The following GOLGA4 variants were observed in gnomAD, a reference collection of about 807,000 sequenced individuals.
GOLGA4 encodes golgin subfamily A member 4.
A neutral mutation model predicts 265.9 loss-of-function variants in GOLGA4; 169 were observed. That is an observed-to-expected ratio of 0.64 (90% CI 0.56 to 0.72). The LOEUF (loss-of-function observed/expected upper bound fraction) is 0.72, where lower values mean the gene tolerates loss of function less well. Ranked by LOEUF, GOLGA4 falls within the 30% of genes least tolerant of loss-of-function variation. GOLGA4 has a pLI of 0.00. For synonymous variants in GOLGA4, 923 were observed against 855.8 expected (o/e 1.08, Z -1.37); for missense variants, 2,482 against 2,483.4 (o/e 1.00, Z 0.01).
At position 37,318,560 on chromosome 3, in the gene GOLGA4, GT is replaced by G. The variant is rs397948246; in HGVS notation, c.1414-494del. On this transcript the variant is annotated intron_variant, in intron 11 of 23. Transcript: ENST00000361924. ...TTTGTCCAGTGGGCTCCCCCATTCT[GT>G]TTTTTTTTAATATATATTAACTTTT... Among the ~76,000 whole-genome samples, 1,382 of 149,626 alleles carry G rather than the reference GT, an allele frequency of 9.2e-3. 10 individuals are homozygous for G. The highest frequency in any genetic ancestry group is 0.015 in the Non-Finnish European group (988 of 67,282).
chr3:37,249,955 A>G (rs2096729411), intron 1 of GOLGA4: 1 of 152,178 alleles, frequency 6.6e-6, no homozygotes, highest in African/African-American at 2.4e-5. Context: ...CAGATGATGA[A>G]CTTTATTTGT....
chr3:37,351,730 C>CT (rs1232240202), intron 21 of GOLGA4, among the ~76,000 whole-genome samples: 1 of 152,094 alleles, frequency 6.6e-6, no homozygotes, highest in Non-Finnish European at 1.5e-5. Context: ...TGAAGGGAAT[C>CT]TTTTTTTCTG....
intron 2 of GOLGA4, among the ~76,000 whole-genome samples, chr3:37,258,309 G>A (rs1050457258): frequency 5.4e-5 from 8 of 149,460 alleles, no homozygotes; most frequent in Admixed American, 6.7e-5. Flanking sequence ...TATATATATA[G>A]AGAGCATATA....
chr3:37,279,744 C>T (rs537569308), intron 2 of GOLGA4, among the ~76,000 whole-genome samples: 4 of 151,926 alleles, frequency 2.6e-5, no homozygotes, highest in South Asian at 2.1e-4. Context: ...TCCTCTCTAC[C>T]GAAAATATAA....
intron 6 of GOLGA4, among the ~76,000 whole-genome samples, chr3:37,295,768 G>C (rs757088951): frequency 6.6e-6 from 1 of 152,012 alleles, no homozygotes; most frequent in Non-Finnish European, 1.5e-5. Context: ...ATATTTAGGG[G>C]GTGAAAACCA....
intron 2 of GOLGA4, among the ~76,000 whole-genome samples, chr3:37,278,880 A>T (rs1388416803): frequency 6.7e-6 from 1 of 149,656 alleles, no homozygotes; most frequent in African/African-American, 2.5e-5. Context: ...TGGTGCAGTC[A>T]TAGCTTACTG....
At chr3:37,297,274 T>C (rs1004744744) in intron 7 of GOLGA4, among the ~76,000 whole-genome samples, 15 of 152,266 alleles carry the variant, frequency 9.9e-5, no homozygotes, top group African/African-American at 3.4e-4. Context: ...AGTAAGTAGT[T>C]GAGCAGTTAA....
intron 2 of GOLGA4, among the ~76,000 whole-genome samples, chr3:37,258,133 CTG>C (rs1396652800): frequency 4.4e-5 from 6 of 135,096 alleles, no homozygotes; most frequent in African/African-American, 8.4e-5. Context: ...TATATATGCT[CTG>C]TATATATATA....
At chr3:37,300,220 C>G (rs1357978244) in intron 9 of GOLGA4, among the ~76,000 whole-genome samples, 4 of 152,186 alleles carry the variant, frequency 2.6e-5, no homozygotes, top group Non-Finnish European at 5.9e-5. Flanking sequence ...GCAGCAAAGA[C>G]AACCAGAAAA....
chr3:37,331,891 C>T (rs1323733552), intron 16 of GOLGA4, among the ~76,000 whole-genome samples: 1 of 152,154 alleles, frequency 6.6e-6, no homozygotes, highest in African/African-American at 2.4e-5. Flanking sequence ...AGCACAATTA[C>T]CTGACATATA....
intron 2 of GOLGA4, chr3:37,275,737 G>T: frequency 6.2e-7 from 1 of 1,612,788 alleles, no homozygotes; most frequent in Non-Finnish European, 8.5e-7. Context: ...TGGACAAGAT[G>T]GTGCAGAAGA....
At chr3:37,265,503 G>A (rs2096781287) in intron 2 of GOLGA4, among the ~76,000 whole-genome samples, 1 of 152,062 alleles carries the variant, frequency 6.6e-6, no homozygotes, top group South Asian at 2.1e-4. Flanking sequence ...ATTTATAAAT[G>A]TTATTCTTAA....
intron 16 of GOLGA4, among the ~76,000 whole-genome samples, chr3:37,333,136 A>T (rs2096996746): frequency 6.6e-6 from 1 of 152,230 alleles, no homozygotes; most frequent in African/African-American, 2.4e-5. Context: ...GGTGACTTGC[A>T]AGTTGGAGAC....
chr3:37,315,056 CAAT>C (rs1424171972), intron 10 of GOLGA4, among the ~76,000 whole-genome samples: 2 of 152,074 alleles, frequency 1.3e-5, no homozygotes, highest in Non-Finnish European at 2.9e-5. Flanking sequence ...AAACGAAAAA[CAAT>C]TGAAATTATA....
chr3:37,247,892 A>G (rs546269598), intron 1 of GOLGA4, among the ~76,000 whole-genome samples: 1 of 152,312 alleles, frequency 6.6e-6, no homozygotes, highest in Non-Finnish European at 1.5e-5. Context: ...CTTTCAGGAC[A>G]GCAGAAGTAC....
intron 2 of GOLGA4, chr3:37,273,489 T>G (rs1272621074): frequency 9.8e-7 from 1 of 1,024,024 alleles, no homozygotes; most frequent in East Asian, 2.6e-5. Flanking sequence ...TTTTAAACCT[T>G]TAGTTTTTTG....
Position 37,355,143 on chromosome 3 carries a change from G to T in GOLGA4, c.6619G>T (p.Asp2207Tyr). The change falls in exon 22 of 24, where the codon GAT (aspartate) becomes TAT (tyrosine). Residue 2207 changes from aspartate (D) to tyrosine (Y), a missense_variant. By Grantham distance (160) the Asp-to-Tyr change is radical. Around this residue, in one of 3 missense-constraint regions of GOLGA4, gnomAD observed 942 missense variants for 983.1 expected, o/e 0.96. Transcript: ENST00000361924. ...VITTVLKFPD[D>Y]QTQKILERED... The stretch of plus-strand genomic sequence containing the variant: ...AACCACCGTACTGAAGTTCCCTGAT[G>T]ATCAGACTCAGAAAATTTTGGAAAG... The T allele has an allele frequency of 6.2e-7, 1 of 1,609,514 alleles. No individual in the cohort carries two copies. The highest frequency in any genetic ancestry group is 1.1e-5 in the South Asian group (1 of 90,972).
intron 2 of GOLGA4, chr3:37,276,731 C>T: frequency 1.2e-6 from 1 of 811,520 alleles, no homozygotes; most frequent in East Asian, 2.7e-5. Context: ...TGTTTTTGAC[C>T]TAACATCCCT....
At chr3:37,256,808 C>T (rs1465197642) in intron 2 of GOLGA4, among the ~76,000 whole-genome samples, 2 of 152,134 alleles carry the variant, frequency 1.3e-5, no homozygotes, top group African/African-American at 4.8e-5. Flanking sequence ...TCCTCCTATC[C>T]TCTGCCCCAC....
Sources: allele counts gnomAD v4.1 joint callset (sites outside exome capture counted in the v4.1 genomes callset), GRCh38; gene constraint gnomAD v4.1.1; regional missense constraint gnomAD v4.1.1; transcripts MANE v1.5; gene names NCBI Gene and HGNC (gene_info 2026-07-23, HGNC 2026-07-21).